The following PPP2R2B variants were observed in gnomAD, a reference collection of about 807,000 sequenced individuals.
The protein encoded by PPP2R2B is protein phosphatase 2 regulatory subunit Bbeta.
A neutral mutation model predicts 46.0 loss-of-function variants in PPP2R2B; 5 were observed. The observed-to-expected ratio is 0.11, with a 90% CI of 0.06 to 0.23. The LOEUF (loss-of-function observed/expected upper bound fraction) is 0.23, where lower values mean the gene tolerates loss of function less well. Among genes scored for constraint, PPP2R2B ranks in the 10% least tolerant of loss-of-function variants. The probability of loss-of-function intolerance (pLI) is 1.00; values close to 1 mark genes in which losing one functional copy is unlikely to be tolerated. For missense variants in PPP2R2B, 367 were observed against 575.0 expected (o/e 0.64, Z 3.70); for synonymous variants, 215 against 206.7 (o/e 1.04, Z -0.34).
intron 2 of PPP2R2B, among the ~76,000 whole-genome samples, chr5:146,854,822 T>C (rs1346511689): frequency 6.6e-6 from 1 of 152,170 alleles, no homozygotes; most frequent in Non-Finnish European, 1.5e-5. Flanking sequence ...TTGGACTTGA[T>C]GAGGCACAGT....
At position 147,071,310 on chromosome 5, in the gene PPP2R2B, T is replaced by C. The variant is rs148397891; in HGVS notation, c.50+9749A>G. On this transcript the variant is annotated intron_variant, in intron 2 of 10. Transcript: ENST00000394413. The stretch of plus-strand genomic sequence containing the variant: ...ACTTATTATGTGAAAAACTGGATTA[T>C]TGCAATAACCTTTCAACCGATTCCT... 2.7e-3 allele frequency among the ~76,000 whole-genome samples: 411 copies of C among 152,302 alleles called. 3 individuals are homozygous for C. Among genetic ancestry groups the C allele is most frequent in the African/African-American group, 9.5e-3 (397 of 41,580 alleles).
intron 9 of PPP2R2B, among the ~76,000 whole-genome samples, chr5:146,591,064 C>A (rs1026124098): frequency 1.3e-5 from 2 of 152,034 alleles, no homozygotes; most frequent in African/African-American, 4.8e-5. Context: ...ATTTCAGACA[C>A]GGTGACAAGC....
At chr5:146,724,938 G>A (rs998822517) in intron 2 of PPP2R2B, among the ~76,000 whole-genome samples, 4 of 152,222 alleles carry the variant, frequency 2.6e-5, no homozygotes, top group Middle Eastern at 3.4e-3. Flanking sequence ...ATAGGGTTTT[G>A]ACAGTTAGGA....
chr5:146,894,257 A>G (rs1459952397), intron 1 of PPP2R2B, among the ~76,000 whole-genome samples: 1 of 152,166 alleles, frequency 6.6e-6, no homozygotes, highest in South Asian at 2.1e-4. Context: ...GTGCCTTCCC[A>G]TAACTCTTAG....
chr5:146,721,451 G>A (rs1780791550), intron 2 of PPP2R2B, among the ~76,000 whole-genome samples: 1 of 152,170 alleles, frequency 6.6e-6, no homozygotes, highest in Non-Finnish European at 1.5e-5. Context: ...AATCTTGAGG[G>A]GAGAAAGAGA....
intron 1 of PPP2R2B, among the ~76,000 whole-genome samples, chr5:146,975,481 G>A (rs922659584): frequency 6.6e-6 from 1 of 152,148 alleles, no homozygotes; most frequent in Non-Finnish European, 1.5e-5. Flanking sequence ...ATGCAAATAT[G>A]TCTTTGAGAT....
upstream of PPP2R2B, among the ~76,000 whole-genome samples, chr5:146,882,797 C>T (rs1762207867): frequency 6.6e-6 from 1 of 152,202 alleles, no homozygotes; most frequent in Admixed American, 6.5e-5. Flanking sequence ...GGGCCATAGT[C>T]TTCAAAGGGG....
chr5:146,778,142 C>T (rs767231609), intron 2 of PPP2R2B, among the ~76,000 whole-genome samples: 23 of 152,172 alleles, frequency 1.5e-4, no homozygotes, highest in Middle Eastern at 3.4e-3. Context: ...ATTTGGGTTC[C>T]GGCATTCCTG....
At chr5:146,946,765 T>C (rs1294150573) in intron 1 of PPP2R2B, among the ~76,000 whole-genome samples, 1 of 152,082 alleles carries the variant, frequency 6.6e-6, no homozygotes, top group Non-Finnish European at 1.5e-5. Context: ...GCTCAATTCA[T>C]GCCAGAGGAG....
At chr5:146,950,278 CA>C (rs1435893117) in intron 1 of PPP2R2B, among the ~76,000 whole-genome samples, 1 of 151,652 alleles carries the variant, frequency 6.6e-6, no homozygotes, top group Non-Finnish European at 1.5e-5. Flanking sequence ...AAAAATAAGG[CA>C]ATCAGGGAAC....
Position 146,693,969 on chromosome 5 carries a change from C to T in PPP2R2B, c.335-2729G>A, listed in dbSNP as rs115523837. Among the ~76,000 whole-genome samples the T allele has an allele frequency of 4.0e-3, 605 of 152,302 alleles. 4 individuals carry two copies. The highest frequency in any genetic ancestry group is 0.014 in the African/African-American group (571 of 41,568). ...ATTCCTTCCTCTTTTGCCCCTTGCT[C>T]CATTCCTCCACTTCTCCTCACCTGA... is the stretch of plus-strand genomic sequence containing the variant. On this transcript the variant is annotated intron_variant, in intron 4 of 9. Coordinates refer to ENST00000394411, the MANE Select transcript of PPP2R2B (RefSeq NM_181675.4).
intron 2 of PPP2R2B, among the ~76,000 whole-genome samples, chr5:146,845,927 C>T (rs1163532903): frequency 1.3e-5 from 2 of 152,128 alleles, no homozygotes; most frequent in African/African-American, 2.4e-5. Flanking sequence ...CACTATTGCT[C>T]ACTTGAAATG....
At chr5:146,945,785 G>A (rs994021510) in intron 1 of PPP2R2B, among the ~76,000 whole-genome samples, 2 of 152,164 alleles carry the variant, frequency 1.3e-5, no homozygotes, top group African/African-American at 4.8e-5. Context: ...CATTGTGTAA[G>A]GCAATTCGAT....
upstream of PPP2R2B, among the ~76,000 whole-genome samples, chr5:146,882,031 A>G (rs544249244): frequency 4.7e-4 from 72 of 152,228 alleles, no homozygotes; most frequent in African/African-American, 1.7e-3. Flanking sequence ...TAATCCCAGC[A>G]CTTTGGGAGG....
intron 7 of PPP2R2B, among the ~76,000 whole-genome samples, chr5:146,620,287 T>G (rs1209222728): frequency 6.6e-6 from 1 of 152,228 alleles, no homozygotes; most frequent in Admixed American, 6.5e-5. Context: ...ACAGACAAGT[T>G]CATTAATTGT....
chr5:146,963,820 C>G (rs2151843554), intron 1 of PPP2R2B, among the ~76,000 whole-genome samples: 1 of 152,276 alleles, frequency 6.6e-6, no homozygotes. Context: ...GACATTAACT[C>G]CCTAACTCAT....
chr5:147,051,456 A>T (rs530755034), intron 1 of PPP2R2B, among the ~76,000 whole-genome samples: 2 of 152,260 alleles, frequency 1.3e-5, no homozygotes, highest in Non-Finnish European at 2.9e-5. Context: ...ACTCATAATA[A>T]CAACTTCATT....
chr5:146,818,127 G>A (rs1245110934), intron 2 of PPP2R2B, among the ~76,000 whole-genome samples: 3 of 152,082 alleles, frequency 2.0e-5, no homozygotes, highest in South Asian at 2.1e-4. Context: ...CATTACAGAG[G>A]AGCCATCCTG....
At chr5:146,809,639 G>A (rs948521961) in intron 2 of PPP2R2B, among the ~76,000 whole-genome samples, 12 of 152,202 alleles carry the variant, frequency 7.9e-5, no homozygotes, top group African/African-American at 2.9e-4. Context: ...TAAGCAAGGA[G>A]TGGGCCACGA....
Sources: allele counts gnomAD v4.1 joint callset (sites outside exome capture counted in the v4.1 genomes callset), GRCh38; gene constraint gnomAD v4.1.1; transcripts MANE v1.5; gene names NCBI Gene and HGNC (gene_info 2026-07-23, HGNC 2026-07-21).